The following GSDMC variants were observed in gnomAD, a reference collection of about 807,000 sequenced individuals.
GSDMC encodes gasdermin C, also known as gasdermin-C.
Under a neutral mutation model 58.0 loss-of-function variants are expected in GSDMC, and 59 were observed. The observed-to-expected ratio is 1.02, with a 90% CI of 0.82 to 1.26. The LOEUF is 1.26. Ranked by LOEUF, GSDMC falls within the 50% of genes most tolerant of loss-of-function variation. The probability of loss-of-function intolerance (pLI) is 0.00; values close to 1 mark genes in which losing one functional copy is unlikely to be tolerated. For missense variants in GSDMC, 659 were observed against 598.5 expected, an observed-to-expected ratio of 1.10 and a Z score of -1.06; for synonymous variants, 241 against 220.2, an observed-to-expected ratio of 1.09 and a Z score of -0.83.
At chr8:129,771,835 A>G (rs924445556) in intron 3 of GSDMC, among the ~76,000 whole-genome samples, 4 of 152,264 alleles carry the variant, frequency 2.6e-5, no homozygotes, top group Non-Finnish European at 5.9e-5. Context: ...TGAGACAAAC[A>G]AAAGTGAAAA....
intron 3 of GSDMC, among the ~76,000 whole-genome samples, chr8:129,771,221 A>G (rs1277563414): frequency 6.6e-6 from 1 of 152,030 alleles, no homozygotes; most frequent in Non-Finnish European, 1.5e-5. Flanking sequence ...CAATATTAGT[A>G]AGAGACTTTA....
chr8:129,724,665 A>T, the GSDMC span, among the ~76,000 whole-genome samples: 1 of 152,072 alleles, frequency 6.6e-6, no homozygotes, highest in South Asian at 2.1e-4. Context: ...ACACAGAAAC[A>T]GAAGTAGAAT....
At chr8:129,749,402 T>C (rs757080142) in intron 13 of GSDMC, 50 bp downstream of exon 13, 2 of 1,254,986 alleles carry the variant, frequency 1.6e-6, no homozygotes, top group Non-Finnish European at 2.3e-6. Flanking sequence ...TTCTTACCTC[T>C]GGTTCCCTCA....
downstream of GSDMC, among the ~76,000 whole-genome samples, chr8:129,744,481 T>TAACA (rs1172849545): frequency 3.3e-5 from 5 of 152,206 alleles, no homozygotes; most frequent in African/African-American, 1.2e-4. Context: ...AGGAAATGTA[T>TAACA]AACAGTTAGA....
the GSDMC span, among the ~76,000 whole-genome samples, chr8:129,736,091 C>T: frequency 0.012 from 1,746 of 150,866 alleles, 33 homozygotes; most frequent in African/African-American, 0.04. Context: ...ACACATGCTC[C>T]GGAAGAAATT....
chr8:129,768,042 G>A (rs2033926342), intron 3 of GSDMC, among the ~76,000 whole-genome samples: 1 of 152,142 alleles, frequency 6.6e-6, no homozygotes, highest in Admixed American at 6.6e-5. Context: ...CCTGAATGCA[G>A]AGCCCAGCCA....
At chr8:129,752,175 C>A (rs1231100946) in intron 7 of GSDMC, 28 bp from the exon 8 acceptor site, 11 of 1,591,152 alleles carry the variant, frequency 6.9e-6, no homozygotes, top group Non-Finnish European at 9.5e-6. Context: ...AGTGTTTACT[C>A]ACCAAACATT....
At chr8:129,735,455 T>C in the GSDMC span, among the ~76,000 whole-genome samples, 5 of 148,894 alleles carry the variant, frequency 3.4e-5, no homozygotes, top group African/African-American at 1.3e-4. Flanking sequence ...CAACAAACTG[T>C]CTTTCAGACC....
intron 1 of GSDMC, among the ~76,000 whole-genome samples, chr8:129,779,430 AAC>A (rs1380963165): frequency 5.3e-5 from 8 of 152,168 alleles, no homozygotes; most frequent in Non-Finnish European, 1.0e-4. Context: ...GGAGGGGACC[AAC>A]ACACACTGGG....
chr8:129,748,764 T>C (rs1018262478), intron 13 of GSDMC, 24 bp from the exon 14 acceptor site: 11 of 1,489,320 alleles, frequency 7.4e-6, no homozygotes, highest in Non-Finnish European at 9.8e-6. Flanking sequence ...GATCAGGTTC[T>C]ACAGACCAGC....
Position 129,750,120 on chromosome 8 carries a change from C to A in GSDMC, c.1084-1G>T. The A allele has an allele frequency of 6.4e-7, 1 of 1,558,874 alleles. No individual in the cohort carries two copies. Among genetic ancestry groups the A allele is most frequent in the Non-Finnish European group, 8.6e-7 (1 of 1,157,932 alleles). ...AATGACCTGAGCTGTCCAATTCCAG[C>A]TATAGAAGACAGGTATTATTGTTAA... On this transcript the variant is annotated splice_acceptor_variant, in intron 11 of 13. Transcript: ENST00000276708. LOFTEE classifies it high-confidence loss of function.
At chr8:129,759,731 A>G (rs1419394408) in intron 6 of GSDMC, among the ~76,000 whole-genome samples, 1 of 152,152 alleles carries the variant, frequency 6.6e-6, no homozygotes. Flanking sequence ...GGGAGGATGC[A>G]GAGAAAAGGA....
Position 129,777,575 on chromosome 8 carries a change from A to C in GSDMC, c.13T>G (p.Leu5Val), listed in dbSNP as rs775958161. The C allele has an allele frequency of 6.3e-7, 1 of 1,590,742 alleles. No individual in the cohort carries two copies. Among genetic ancestry groups the C allele is most frequent in the African/African-American group, 1.3e-5 (1 of 74,610 alleles). Residue 5 changes from leucine (L) to valine (V), a missense_variant, in exon 2 of 14, where the codon TTG becomes GTG. Transcript: ENST00000276708. MPSM[L>V]ERISKNLVKE... ...ACCAAATTTTTGCTAATGCGTTCCA[A>C]CATGGAGGGCATGTTGCTAGGAGGA...
chr8:129,753,167 A>T (rs917382195), intron 6 of GSDMC, among the ~76,000 whole-genome samples: 5 of 152,234 alleles, frequency 3.3e-5, no homozygotes, highest in African/African-American at 1.2e-4. Flanking sequence ...AGCTGGGGTG[A>T]CTAAAAAAAG....
At chr8:129,768,156 G>A (rs148067917) in intron 3 of GSDMC, among the ~76,000 whole-genome samples, 3 of 152,302 alleles carry the variant, frequency 2.0e-5, no homozygotes, top group African/African-American at 7.2e-5. Flanking sequence ...ATCAACTAGA[G>A]AGTGTGAGCA....
Position 129,765,678 on chromosome 8 carries a change from T to G in GSDMC, c.520A>C (p.Ser174Arg). The change falls in exon 4 of 14, where the codon AGT becomes CGT. Residue 174 changes from serine to arginine, a missense_variant. Ser to Arg is a moderately radical substitution (Grantham distance 110, BLOSUM62 -1). Coordinates refer to ENST00000276708, the MANE Select transcript of GSDMC (RefSeq NM_031415.3). ...LINNTVLYDS[S>R]SVNILGKIAL... ...ATTTTCCCTAAAATATTCACACTAC[T>G]GCTATCGTACAGCACAGTATTGTTG... is the stretch of plus-strand genomic sequence containing the variant. 6.2e-7 allele frequency: 1 copy of G among 1,613,264 alleles called. No homozygotes were observed. Among genetic ancestry groups the G allele is most frequent in the Non-Finnish European group, 8.5e-7 (1 of 1,179,192 alleles).
intron 7 of GSDMC, 88 bp downstream of exon 7, chr8:129,752,610 A>AC: frequency 1.3e-6 from 2 of 1,541,498 alleles, no homozygotes; most frequent in Non-Finnish European, 1.7e-6. Context: ...TGGTTCATAC[A>AC]CCCCACATAA....
intron 5 of GSDMC, 109 bp from the exon 6 acceptor site, chr8:129,760,698 C>A: frequency 1.5e-6 from 1 of 646,008 alleles, no homozygotes; most frequent in South Asian, 2.0e-5. Flanking sequence ...TTAAATCTGA[C>A]CACTGGCCTC....
the GSDMC span, chr8:129,730,246 T>C: frequency 2.5e-5 from 33 of 1,333,418 alleles, no homozygotes; most frequent in Non-Finnish European, 3.3e-5. Flanking sequence ...AAAATTCAGA[T>C]TGGAAGTAAA....
Sources: gnomAD v4.1 joint callset for allele counts (sites outside exome capture counted in the v4.1 genomes callset) on GRCh38, gnomAD v4.1.1 for gene constraint, MANE v1.5 for transcripts, NCBI Gene and HGNC (gene_info 2026-07-23, HGNC 2026-07-21) for gene names.